SDK2: variants seen among roughly 807,000 people sequenced by gnomAD.
SDK2 encodes sidekick cell adhesion molecule 2.
A neutral mutation model predicts 253.9 loss-of-function variants in SDK2; 105 were observed. The ratio of observed to expected loss-of-function variants is 0.41; its 90% confidence interval spans 0.35 to 0.49. SDK2 has a LOEUF of 0.49. Among genes scored for constraint, SDK2 ranks in the 20% least tolerant of loss-of-function variants. SDK2 has a pLI of 0.06. For synonymous variants in SDK2, 1,249 were observed against 1,234.9 expected, an observed-to-expected ratio of 1.01 and a Z score of -0.24; for missense variants, 2,608 against 3,003.0, an observed-to-expected ratio of 0.87 and a Z score of 3.07.
chr17:73,544,866 G>A (rs1011430381), intron 1 of SDK2, among the ~76,000 whole-genome samples: 1 of 152,162 alleles, frequency 6.6e-6, no homozygotes, highest in Non-Finnish European at 1.5e-5. Flanking sequence ...CTGCTGGGGC[G>A]GCAGGTCCTT....
In SDK2 at chr17:73,435,701, G is replaced by C; in HGVS notation, c.1001-57C>G. 6.8e-7 allele frequency: 1 copy of C among 1,468,766 alleles called. No homozygotes were observed. The highest frequency in any genetic ancestry group is 9.1e-7 in the Non-Finnish European group (1 of 1,098,642). 91.0% of individuals were successfully genotyped at this position (1,468,766 alleles called of 1,614,324 possible). A position where few individuals can be genotyped will look rare whatever the true frequency, so the allele number is the denominator to read the frequency against. On this transcript the variant is annotated intron_variant, in intron 8 of 44. Coordinates refer to ENST00000392650, the MANE Select transcript of SDK2 (RefSeq NM_001144952.2). The surrounding 1 kb of genome is among the most constrained non-coding windows in gnomAD (Gnocchi z 5.7). ...TGCCTCCTGCCTCCTCTCCGCCTAG[G>C]AGGGGTGCTTGGGAGGAGGCCGGGC...
chr17:73,433,083 T>C (rs1446037533), intron 10 of SDK2, among the ~76,000 whole-genome samples: 2 of 152,060 alleles, frequency 1.3e-5, no homozygotes, highest in East Asian at 3.9e-4. Context: ...TCCTGGGCTT[T>C]CGGACTCCCA....
At chr17:73,560,740 C>T (rs1270798924) in intron 1 of SDK2, among the ~76,000 whole-genome samples, 1 of 152,172 alleles carries the variant, frequency 6.6e-6, no homozygotes, top group Non-Finnish European at 1.5e-5. Flanking sequence ...TCCAAGCACC[C>T]GCATGTTGGT....
At chr17:73,402,169 G>A (rs2145529963) in intron 18 of SDK2, 28 bp from the exon 19 acceptor site, 1 of 1,603,480 alleles carries the variant, frequency 6.2e-7, no homozygotes, top group Non-Finnish European at 8.5e-7. Flanking sequence ...AGTCACACAG[G>A]GCAGCAGGAA....
intron 1 of SDK2, among the ~76,000 whole-genome samples, chr17:73,560,041 A>G (rs2045208964): frequency 6.6e-6 from 1 of 152,180 alleles, no homozygotes; most frequent in African/African-American, 2.4e-5. Flanking sequence ...TATGGCCCCA[A>G]GGGTCCTGCC....
At chr17:73,389,815 T>C (rs990341230) in intron 29 of SDK2, among the ~76,000 whole-genome samples, 11 of 152,210 alleles carry the variant, frequency 7.2e-5, no homozygotes, top group African/African-American at 2.7e-4. Context: ...AGTGGTGCGA[T>C]CTTGGCTCAC....
intron 1 of SDK2, among the ~76,000 whole-genome samples, chr17:73,636,284 A>C (rs1340748861): frequency 6.6e-6 from 1 of 152,112 alleles, no homozygotes; most frequent in Non-Finnish European, 1.5e-5. Flanking sequence ...ACTGAGGCAG[A>C]CGATGGTTGT....
intron 38 of SDK2, among the ~76,000 whole-genome samples, chr17:73,364,691 G>A (rs191864750): frequency 1.4e-4 from 21 of 152,152 alleles, no homozygotes; most frequent in Non-Finnish European, 2.8e-4. Context: ...GCGTGATCCC[G>A]GCTTACTGCA....
At chr17:73,605,159 G>A (rs1009056451) in intron 1 of SDK2, among the ~76,000 whole-genome samples, 1 of 152,232 alleles carries the variant, frequency 6.6e-6, no homozygotes, top group Non-Finnish European at 1.5e-5. Context: ...GGCCTGGGGT[G>A]ATGTGGGCAG....
At chr17:73,355,275 A>G (rs1489683576) in intron 40 of SDK2, among the ~76,000 whole-genome samples, 1 of 145,150 alleles carries the variant, frequency 6.9e-6, no homozygotes, top group Non-Finnish European at 1.5e-5. Context: ...CTCCCATTCA[A>G]GAGATTCTCC....
At chr17:73,585,213 G>C (rs1427319437) in intron 1 of SDK2, among the ~76,000 whole-genome samples, 18 of 152,256 alleles carry the variant, frequency 1.2e-4, no homozygotes. Flanking sequence ...TGGAGGCAGA[G>C]CTGGGATTTG....
chr17:73,365,488 C>T, intron 37 of SDK2, 93 bp from the exon 38 acceptor site: 6 of 1,357,998 alleles, frequency 4.4e-6, no homozygotes, highest in Non-Finnish European at 5.9e-6. Flanking sequence ...AGTATTGGGT[C>T]TGAGCCCGGG....
chr17:73,468,021 C>T (rs76016868), intron 3 of SDK2, among the ~76,000 whole-genome samples: 10,006 of 152,196 alleles, frequency 0.066, 388 homozygotes, highest in Middle Eastern at 0.082. Context: ...CCTGGTGGAA[C>T]GCAGCAACAT....
Position 73,338,762 on chromosome 17 carries a change from A to C in SDK2, c.6344T>G (p.Val2115Gly). 3.7e-6 allele frequency: 6 copies of C among 1,613,488 alleles called. No individual in the cohort carries two copies. Among genetic ancestry groups the C allele is most frequent in the Non-Finnish European group, 5.1e-6 (6 of 1,179,786 alleles). The change falls in exon 45 of 45, where the codon GTC becomes GGC. Residue 2115 changes from valine to glycine, a missense_variant. Physicochemically the swap from Val to Gly is moderately radical, Grantham distance 109 (BLOSUM62 -3). Around this residue, in one of 2 missense-constraint regions of SDK2, gnomAD observed 1,103 missense variants for 1,143.9 expected, o/e 0.96. Transcript: ENST00000392650. The surrounding 1 kb of genome is among the most constrained non-coding windows in gnomAD (Gnocchi z 5.0). ...SDSGEPDHTT[V>G]TNSTSTQQGS... ...CTGCTGGGTGCTGGTGCTGTTGGTG[A>C]CGGTGGTGTGGTCTGGCTCACCCGA...
intron 14 of SDK2, among the ~76,000 whole-genome samples, 167 bp downstream of exon 14, chr17:73,423,219 C>A (rs2063248253): frequency 6.6e-6 from 1 of 152,158 alleles, no homozygotes; most frequent in Non-Finnish European, 1.5e-5. Context: ...GCCTGACAGG[C>A]AGATGCCTGT....
At chr17:73,339,216 TTTTTTTG>T (rs796921455) in intron 44 of SDK2, among the ~76,000 whole-genome samples, 27 of 148,136 alleles carry the variant, frequency 1.8e-4, no homozygotes, top group Admixed American at 3.4e-4. Flanking sequence ...GACCTGAGTT[TTTTTTTG>T]TTTTTGTTTT....
chr17:73,478,535 CCA>C (rs2063701577), intron 2 of SDK2, among the ~76,000 whole-genome samples: 1 of 152,134 alleles, frequency 6.6e-6, no homozygotes, highest in African/African-American at 2.4e-5. Context: ...GCGGCTCAGT[CCA>C]CTCTTCGAAG....
chr17:73,636,039 G>A (rs1020520691), intron 1 of SDK2, among the ~76,000 whole-genome samples: 5 of 152,182 alleles, frequency 3.3e-5, no homozygotes, highest in African/African-American at 1.2e-4. Flanking sequence ...GGACCAGCCC[G>A]TCTTCAAACA....
At chr17:73,407,618 G>T (rs1480386813) in intron 18 of SDK2, among the ~76,000 whole-genome samples, 1 of 152,032 alleles carries the variant, frequency 6.6e-6, no homozygotes, top group Non-Finnish European at 1.5e-5. Flanking sequence ...TAGAGATAGC[G>T]GGGGCGGGGG....
Sources: gnomAD v4.1 joint callset for allele counts (sites outside exome capture counted in the v4.1 genomes callset) on GRCh38, gnomAD v4.1.1 for gene constraint, gnomAD v4.1.1 regional missense constraint, Gnocchi (gnomAD v3.1) non-coding constraint, MANE v1.5 for transcripts, NCBI Gene and HGNC (gene_info 2026-07-23, HGNC 2026-07-21) for gene names.